The following B4GALT6 variants were observed in gnomAD, a reference collection of about 807,000 sequenced individuals.
The protein encoded by B4GALT6 is UDP-Gal:beta-GlcNAc beta-1,4-galactosyltransferase 6.
A neutral mutation model predicts 46.3 loss-of-function variants in B4GALT6; 14 were observed. The ratio of observed to expected loss-of-function variants is 0.30; its 90% CI spans 0.20 to 0.47. The LOEUF (loss-of-function observed/expected upper bound fraction) is 0.47. Among genes scored for constraint, B4GALT6 ranks in the 20% least tolerant of loss-of-function variants. The probability of loss-of-function intolerance (pLI) is 0.99; values close to 1 mark genes in which losing one functional copy is unlikely to be tolerated. For missense variants in B4GALT6, 386 were observed against 480.1 expected (o/e 0.80, Z 1.83); for synonymous variants, 168 against 162.0 (o/e 1.04, Z -0.28).
chr18:31,706,780 G>A, the B4GALT6 span, among the ~76,000 whole-genome samples: 1 of 152,152 alleles, frequency 6.6e-6, no homozygotes, highest in African/African-American at 2.4e-5. Context: ...AAGATCCCCA[G>A]CTGAAAGAGC....
chr18:31,662,351 T>C (rs2074227979), intron 2 of B4GALT6, among the ~76,000 whole-genome samples: 1 of 152,212 alleles, frequency 6.6e-6, no homozygotes, highest in South Asian at 2.1e-4. Context: ...GTCTTCCCAA[T>C]GTATTATGTG....
intron 1 of B4GALT6, among the ~76,000 whole-genome samples, chr18:31,678,330 T>C (rs1296046276): frequency 6.6e-6 from 1 of 152,132 alleles, no homozygotes; most frequent in Non-Finnish European, 1.5e-5. Context: ...TGGTCTTTTT[T>C]TTTCCTCTCT....
chr18:31,689,466 C>T (rs538221122), upstream of B4GALT6, among the ~76,000 whole-genome samples: 3 of 152,122 alleles, frequency 2.0e-5, no homozygotes, highest in African/African-American at 4.8e-5. Flanking sequence ...GAGGCTGGGC[C>T]GGGCGCAATG....
chr18:31,683,075 C>T (rs1598938253), intron 1 of B4GALT6, among the ~76,000 whole-genome samples: 1 of 152,296 alleles, frequency 6.6e-6, no homozygotes, highest in Middle Eastern at 3.4e-3. Context: ...TTTCACAATG[C>T]ATTTCTTCTT....
Position 31,625,618 on chromosome 18 carries a change from T to C in B4GALT6, c.1145A>G (p.Tyr382Cys), listed in dbSNP as rs1485175937. The change falls in exon 9 of 9, where the codon TAT becomes TGT. Residue 382 changes from tyrosine (Y) to cysteine (C), a missense_variant. Transcript: ENST00000306851. ...TTGCCACGACAGCCACTTCTTTTAA[T>C]AGTCTTCGATTGGAGCTAACTCTGG... ...LMPELAPIED[Y>C] 2.5e-6 allele frequency: 4 copies of C among 1,613,558 alleles called. No homozygotes were observed. Among genetic ancestry groups the C allele is most frequent in the Non-Finnish European group, 3.4e-6 (4 of 1,179,806 alleles).
chr18:31,651,225 C>T (rs1054517201), intron 3 of B4GALT6, among the ~76,000 whole-genome samples: 6 of 152,268 alleles, frequency 3.9e-5, no homozygotes, highest in African/African-American at 9.6e-5. Context: ...ATCCTTGCAG[C>T]GACAATTATC....
chr18:31,674,504 T>A (rs376404832), intron 1 of B4GALT6, among the ~76,000 whole-genome samples: 4 of 152,280 alleles, frequency 2.6e-5, no homozygotes, highest in African/African-American at 9.6e-5. Context: ...GGAAATAATA[T>A]GGACAAAAGT....
chr18:31,682,029 G>A lies in B4GALT6; in HGVS notation c.115+2283C>T, dbSNP rs181950367. On this transcript the variant is annotated intron_variant, in intron 1 of 8. Coordinates refer to ENST00000306851, the MANE Select transcript of B4GALT6 (RefSeq NM_004775.5). ...ATGTCTCATAAATAAGAAATCTGAA[G>A]CACTTGTGCAATTGATTGATTGCTG... 2.4e-3 allele frequency among the ~76,000 whole-genome samples: 362 copies of A among 152,248 alleles called. 2 individuals carry two copies. Among genetic ancestry groups the A allele is most frequent in the African/African-American group, 8.1e-3 (335 of 41,550 alleles).
At chr18:31,722,508 A>G in the B4GALT6 span, among the ~76,000 whole-genome samples, 10 of 152,350 alleles carry the variant, frequency 6.6e-5, no homozygotes, top group South Asian at 1.4e-3. Flanking sequence ...TGCTCACATT[A>G]CAATGAGTCT....
In B4GALT6 at chr18:31,623,422, T is replaced by G. The variant is rs17661341; in HGVS notation, c.*2192A>C. 0.1 allele frequency: 15,984 copies of G among 152,372 alleles called. 922 individuals are homozygous for G. The highest frequency in any genetic ancestry group is 0.14 in the African/African-American group (5,737 of 41,476). The allele number at this position is 152,372 out of a possible 1,614,324, so 9.4% of individuals were successfully genotyped here. A position where few individuals can be genotyped will look rare whatever the true frequency, so the allele number is the denominator to read the frequency against. The stretch of plus-strand genomic sequence containing the variant: ...TATATCTCACTCCTGAAACAAAAAT[T>G]AACATCAGACTTAAGAAAATAAGGC... On this transcript the variant is annotated 3_prime_UTR_variant, in exon 9 of 9. Transcript: ENST00000306851.
chr18:31,707,793 TACC>T, the B4GALT6 span, among the ~76,000 whole-genome samples: 2 of 152,188 alleles, frequency 1.3e-5, no homozygotes, highest in Non-Finnish European at 2.9e-5. Flanking sequence ...AAGTCCCTAA[TACC>T]ACTGTAGAAC....
chr18:31,667,030 G>T (rs1308236625), intron 1 of B4GALT6, among the ~76,000 whole-genome samples: 1 of 152,158 alleles, frequency 6.6e-6, no homozygotes, highest in Non-Finnish European at 1.5e-5. Context: ...CACAATAAGT[G>T]CTTCAAAAAT....
intron 4 of B4GALT6, among the ~76,000 whole-genome samples, chr18:31,644,007 T>C (rs1239875558): frequency 6.6e-6 from 1 of 152,126 alleles, no homozygotes; most frequent in East Asian, 1.9e-4. Context: ...TTTTAAAAGG[T>C]GGAATGTATG....
chr18:31,693,054 T>A, the B4GALT6 span, among the ~76,000 whole-genome samples: 4 of 152,250 alleles, frequency 2.6e-5, no homozygotes, highest in Admixed American at 6.5e-5. Flanking sequence ...TTCTTTATTC[T>A]CTGCTTCCTC....
the B4GALT6 span, among the ~76,000 whole-genome samples, chr18:31,717,442 A>G: frequency 6.6e-6 from 1 of 152,216 alleles, no homozygotes; most frequent in Admixed American, 6.5e-5. Context: ...TTGAGTATGT[A>G]TACTTGTGAA....
chr18:31,625,532 C>G lies in B4GALT6; in HGVS notation c.*82G>C. On this transcript the variant is annotated 3_prime_UTR_variant, in exon 9 of 9. Coordinates refer to ENST00000306851, the MANE Select transcript of B4GALT6 (RefSeq NM_004775.5). ...CAGAGAAAAGGGCACTGTGACACAG[C>G]CAATCACTGACCTCCACTAAGAGCG... is the stretch of plus-strand genomic sequence containing the variant. The G allele has an allele frequency of 6.7e-7, 1 of 1,493,668 alleles. No homozygotes were observed. The highest frequency in any genetic ancestry group is 9.2e-7 in the Non-Finnish European group (1 of 1,081,792). 92.5% of individuals were successfully genotyped at this position (1,493,668 alleles called of 1,614,324 possible).
At chr18:31,640,390 G>A (rs1354401955) in intron 4 of B4GALT6, among the ~76,000 whole-genome samples, 3 of 151,980 alleles carry the variant, frequency 2.0e-5, no homozygotes, top group African/African-American at 7.3e-5. Flanking sequence ...GATCATAGAT[G>A]GCAGAAATTT....
At chr18:31,659,225 C>A (rs2595371) in intron 2 of B4GALT6, among the ~76,000 whole-genome samples, 34,743 of 152,088 alleles carry the variant, frequency 0.23, 5,750 homozygotes, top group African/African-American at 0.47. Context: ...CAATGAGAGA[C>A]AATGTAGAAG....
At chr18:31,721,708 G>A in the B4GALT6 span, among the ~76,000 whole-genome samples, 1 of 152,188 alleles carries the variant, frequency 6.6e-6, no homozygotes, top group Admixed American at 6.5e-5. Context: ...AAACATAGGT[G>A]TCTTTCCTGA....
Sources: gnomAD v4.1 joint callset for allele counts (sites outside exome capture counted in the v4.1 genomes callset) on GRCh38, gnomAD v4.1.1 for gene constraint, MANE v1.5 for transcripts, NCBI Gene and HGNC (gene_info 2026-07-23, HGNC 2026-07-21) for gene names.